The following ULK4 variants were observed in gnomAD, a reference collection of about 807,000 sequenced individuals.
The protein encoded by ULK4 is inactive serine/threonine-protein kinase ULK4.
ULK4 carries 133 observed loss-of-function variants against 160.6 expected under a neutral mutation model. The ratio of observed to expected loss-of-function variants is 0.83; its 90% confidence interval spans 0.72 to 0.96. ULK4 has a LOEUF of 0.96. ULK4 is among the 40% of genes least tolerant of loss of function. The pLI, the probability that ULK4 is intolerant of heterozygous loss-of-function variation, is 0.00. For missense variants in ULK4, 1,580 were observed against 1,499.5 expected, an observed-to-expected ratio of 1.05 and a Z score of -0.89; for synonymous variants, 534 against 539.8, an observed-to-expected ratio of 0.99 and a Z score of 0.15.
chr3:41,700,763 T>C (rs896956333), intron 27 of ULK4, among the ~76,000 whole-genome samples: 1 of 152,188 alleles, frequency 6.6e-6, no homozygotes, highest in Non-Finnish European at 1.5e-5. Context: ...ATGACTTTCA[T>C]AGTCTTCTGA....
intron 5 of ULK4, among the ~76,000 whole-genome samples, chr3:41,924,970 G>A (rs1029519989): frequency 1.3e-5 from 2 of 152,104 alleles, no homozygotes; most frequent in South Asian, 2.1e-4. Flanking sequence ...GGTATATGAG[G>A]AGGAAGATCT....
chr3:41,267,462 T>A (rs1447639337), intron 35 of ULK4, among the ~76,000 whole-genome samples: 1 of 152,214 alleles, frequency 6.6e-6, no homozygotes, highest in Non-Finnish European at 1.5e-5. Context: ...TAACTAGTAC[T>A]GCAATAAACA....
intron 35 of ULK4, among the ~76,000 whole-genome samples, chr3:41,253,782 A>G (rs1019459014): frequency 6.6e-6 from 1 of 152,180 alleles, no homozygotes; most frequent in Non-Finnish European, 1.5e-5. Flanking sequence ...ATTCAAATAT[A>G]ATGAGATAGT....
chr3:41,731,375 A>G (rs890361615), intron 22 of ULK4, among the ~76,000 whole-genome samples: 18 of 152,022 alleles, frequency 1.2e-4, no homozygotes, highest in Non-Finnish European at 2.2e-4. Context: ...TCAAGAAAGC[A>G]ATACCATTTA....
intron 17 of ULK4, among the ~76,000 whole-genome samples, chr3:41,852,075 A>C (rs2042229287): frequency 6.6e-6 from 1 of 152,210 alleles, no homozygotes; most frequent in African/African-American, 2.4e-5. Flanking sequence ...ATCCCACAGA[A>C]ATAAAAACTA....
chr3:41,851,331 T>G (rs147386122), intron 17 of ULK4, among the ~76,000 whole-genome samples: 2,065 of 152,306 alleles, frequency 0.014, 21 homozygotes, highest in Non-Finnish European at 0.022. Flanking sequence ...TCTATTGAGA[T>G]AATCATGTGG....
At chr3:41,665,275 G>C (rs2035317109) in intron 29 of ULK4, among the ~76,000 whole-genome samples, 1 of 152,086 alleles carries the variant, frequency 6.6e-6, no homozygotes, top group Non-Finnish European at 1.5e-5. Flanking sequence ...GCTAAGTAAA[G>C]AAAAGAGACG....
chr3:41,362,302 C>G (rs1458880561), intron 35 of ULK4, among the ~76,000 whole-genome samples: 3 of 151,978 alleles, frequency 2.0e-5, no homozygotes, highest in African/African-American at 4.8e-5. Flanking sequence ...TTTTTTAGAA[C>G]AAAGACAATT....
intron 2 of ULK4, among the ~76,000 whole-genome samples, chr3:41,942,741 C>T (rs1293221904): frequency 3.3e-5 from 5 of 151,632 alleles, no homozygotes; most frequent in South Asian, 4.2e-4. Flanking sequence ...CGCTTGAACC[C>T]GGGAGGTGAG....
chr3:41,540,244 C>A (rs972326659), intron 32 of ULK4, among the ~76,000 whole-genome samples: 1 of 150,596 alleles, frequency 6.6e-6, no homozygotes, highest in Non-Finnish European at 1.5e-5. Flanking sequence ...GTGTGTGATG[C>A]GTTCGCATTG....
chr3:41,618,902 T>C (rs2033109679), intron 30 of ULK4, among the ~76,000 whole-genome samples: 1 of 150,580 alleles, frequency 6.6e-6, no homozygotes, highest in Admixed American at 6.6e-5. Context: ...AAGACAAACA[T>C]GGCCTCAAAA....
chr3:41,472,985 A>G (rs2125888358), intron 32 of ULK4, among the ~76,000 whole-genome samples: 1 of 152,310 alleles, frequency 6.6e-6, no homozygotes, highest in South Asian at 2.1e-4. Flanking sequence ...AATCAATATC[A>G]CATAAGAATG....
chr3:41,567,898 T>C (rs1185590272), intron 31 of ULK4, among the ~76,000 whole-genome samples: 1 of 152,214 alleles, frequency 6.6e-6, no homozygotes, highest in Non-Finnish European at 1.5e-5. Flanking sequence ...AGTTTCCATA[T>C]ACCCATCACC....
intron 32 of ULK4, 106 bp downstream of exon 32, chr3:41,565,919 A>AT: frequency 1.3e-6 from 1 of 746,382 alleles, no homozygotes; most frequent in South Asian, 2.3e-5. Flanking sequence ...ATTCTTATCT[A>AT]TTTTGACTCA....
intron 25 of ULK4, among the ~76,000 whole-genome samples, chr3:41,709,854 G>A (rs973125111): frequency 6.6e-6 from 1 of 152,122 alleles, no homozygotes; most frequent in Non-Finnish European, 1.5e-5. Context: ...GTACGTAAAT[G>A]TCTACGGATT....
Position 41,827,142 on chromosome 3 carries a change from T to G in ULK4, c.1765-7636A>C, listed in dbSNP as rs1249513315. ...CAAAGACACAACATACCAGAATACC[T>G]GGGACACATTCAAAGCAGTGTGTAG... On this transcript the variant is annotated intron_variant, in intron 18 of 36. Coordinates refer to ENST00000301831, the MANE Select transcript of ULK4 (RefSeq NM_017886.4). Among the ~76,000 whole-genome samples the G allele has an allele frequency of 5.6e-5, 8 of 143,256 alleles. 2 individuals carry two copies. Among genetic ancestry groups the G allele is most frequent in the African/African-American group, 2.1e-4 (8 of 37,826 alleles). The allele number at this position is 143,256 out of a possible 152,430, so 94.0% of individuals were successfully genotyped here.
chr3:41,925,458 A>T (rs552953856), intron 5 of ULK4, among the ~76,000 whole-genome samples: 1 of 152,198 alleles, frequency 6.6e-6, no homozygotes, highest in Non-Finnish European at 1.5e-5. Context: ...ACTGGGTTTC[A>T]AGCACAAAAC....
At chr3:41,884,846 A>G (rs562345291) in intron 16 of ULK4, among the ~76,000 whole-genome samples, 5 of 152,320 alleles carry the variant, frequency 3.3e-5, no homozygotes, top group African/African-American at 1.2e-4. Context: ...CTTAACCTAC[A>G]CAAATTAAAG....
intron 32 of ULK4, among the ~76,000 whole-genome samples, chr3:41,553,946 G>A (rs573840523): frequency 1.1e-4 from 17 of 151,792 alleles, no homozygotes; most frequent in Non-Finnish European, 2.4e-4. Flanking sequence ...TATTTTATTG[G>A]TAACCGTTAG....
Sources: gnomAD v4.1 joint callset for allele counts (sites outside exome capture counted in the v4.1 genomes callset) on GRCh38, gnomAD v4.1.1 for gene constraint, MANE v1.5 for transcripts, NCBI Gene and HGNC (gene_info 2026-07-23, HGNC 2026-07-21) for gene names.